Variants in RAI1 observed in about 807,000 individuals in gnomAD.
RAI1 encodes the protein retinoic acid induced 1.
Under a neutral mutation model 123.8 loss-of-function variants are expected in RAI1, and 9 were observed. The observed-to-expected ratio is 0.07, with a 90% CI of 0.04 to 0.13. The LOEUF is 0.13. Among genes scored for constraint, RAI1 ranks in the 10% least tolerant of loss-of-function variants. The probability of loss-of-function intolerance (pLI) is 1.00; values close to 1 mark genes in which losing one functional copy is unlikely to be tolerated. For synonymous variants in RAI1, 1,231 were observed against 1,127.3 expected (o/e 1.09, Z -1.84); for missense variants, 2,256 against 2,545.8 (o/e 0.89, Z 2.45).
intron 2 of RAI1, among the ~76,000 whole-genome samples, chr17:17,774,564 G>A (rs1174620573): frequency 6.6e-6 from 1 of 152,256 alleles, no homozygotes; most frequent in Non-Finnish European, 1.5e-5. Flanking sequence ...AGGACAGCGT[G>A]TCCGCCCACC....
At chr17:17,777,057 A>G (rs1313426709) in intron 2 of RAI1, 2 of 152,132 alleles carry the variant, frequency 1.3e-5, no homozygotes, top group African/African-American at 4.8e-5. Flanking sequence ...GTACTCAGCC[A>G]ATAGAACCTC....
intron 2 of RAI1, among the ~76,000 whole-genome samples, chr17:17,786,120 T>TCC (rs35385655): frequency 4.6e-5 from 7 of 151,076 alleles, no homozygotes; most frequent in African/African-American, 1.7e-4. Flanking sequence ...CTGCTGCCCC[T>TCC]CCCCCCCCAC....
intron 2 of RAI1, chr17:17,779,315 C>T (rs561029482): frequency 3.1e-5 from 7 of 225,922 alleles, no homozygotes; most frequent in South Asian, 2.5e-4. Flanking sequence ...ACCCAGGGAG[C>T]GCTGGGGGCA....
Position 17,795,636 on chromosome 17 carries a change from A to T in RAI1, c.2688A>T (p.Pro896=). The stretch of plus-strand genomic sequence containing the variant: ...AGGACCCGCTGTCACCCAAGGCCCC[A>T]CTCATCTGCACCAAGGAGGAGGTGG... The part of the protein sequence containing the change: ...GMQDPLSPKA[P]LICTKEEVEE... The change falls in exon 3 of 6, where the codon CCA becomes CCT. Residue 896 remains proline (P), a synonymous_variant. Transcript: ENST00000353383. This position sits in a 1 kb window ranked among gnomAD's most constrained non-coding sequence, Gnocchi z 5.9. 1 of 1,613,190 alleles carries T rather than the reference A, an allele frequency of 6.2e-7. No individual in the cohort carries two copies. The highest frequency in any genetic ancestry group is 1.7e-4 in the Middle Eastern group (1 of 6,058).
At chr17:17,735,106 G>A (rs968939255) in intron 2 of RAI1, among the ~76,000 whole-genome samples, 7 of 151,840 alleles carry the variant, frequency 4.6e-5, no homozygotes, top group Non-Finnish European at 1.0e-4. Flanking sequence ...AAGCTGGAGT[G>A]CAATGGCATG....
chr17:17,745,025 AGACT>A (rs1407306867), intron 2 of RAI1, among the ~76,000 whole-genome samples: 1 of 151,990 alleles, frequency 6.6e-6, no homozygotes, highest in Admixed American at 6.6e-5. Flanking sequence ...CCTGGTGGGG[AGACT>A]GACCCCTAAG....
At chr17:17,737,475 G>T (rs1405843184) in intron 2 of RAI1, among the ~76,000 whole-genome samples, 1 of 152,292 alleles carries the variant, frequency 6.6e-6, no homozygotes, top group East Asian at 1.9e-4. Context: ...GGCCAGAGCT[G>T]CCCAGTCTTA....
intron 2 of RAI1, among the ~76,000 whole-genome samples, chr17:17,739,905 C>A (rs9303143): frequency 6.6e-6 from 1 of 152,162 alleles, no homozygotes; most frequent in East Asian, 1.9e-4. Context: ...TGGAGGGCAG[C>A]GGTGCTCGGC....
Position 17,794,083 on chromosome 17 carries a change from A to G in RAI1, c.1135A>G (p.Thr379Ala), listed in dbSNP as rs909211047. Reference protein sequence around the residue: ...NFPYSQQPLSTGAFPAGITDH... With the variant: ...NFPYSQQPLSAGAFPAGITDH... ...TCCCTACAGCCAGCAGCCGCTCAGC[A>G]CCGGGGCCTTCCCCGCAGGGATCAC... The change falls in exon 3 of 6, where the codon ACC becomes GCC. Residue 379 changes from threonine (T) to alanine (A), a missense_variant. Thr to Ala is a moderately conservative substitution (Grantham distance 58). Around this residue, in one of 7 missense-constraint regions of RAI1, gnomAD observed 357 missense variants for 480.2 expected, o/e 0.74. Transcript: ENST00000353383. The G allele has an allele frequency of 6.2e-7, 1 of 1,614,054 alleles. No homozygotes were observed. The highest frequency in any genetic ancestry group is 8.5e-7 in the Non-Finnish European group (1 of 1,180,024).
At chr17:17,764,035 T>G (rs2030816256) in intron 2 of RAI1, among the ~76,000 whole-genome samples, 1 of 152,230 alleles carries the variant, frequency 6.6e-6, no homozygotes, top group Non-Finnish European at 1.5e-5. Context: ...CACTGCAAAG[T>G]GGGCCACATG....
At chr17:17,771,490 C>T (rs2142995233) in intron 2 of RAI1, among the ~76,000 whole-genome samples, 1 of 152,294 alleles carries the variant, frequency 6.6e-6, no homozygotes, top group South Asian at 2.1e-4. Context: ...GCTCTAGAGG[C>T]TGTGGGGACA....
chr17:17,788,748 C>T (rs1037532660), intron 2 of RAI1, among the ~76,000 whole-genome samples: 1 of 152,150 alleles, frequency 6.6e-6, no homozygotes, highest in African/African-American at 2.4e-5. Context: ...CTCCCTGCCT[C>T]CCCTCAGCCT....
chr17:17,774,491 C>T (rs2031268983), intron 2 of RAI1, among the ~76,000 whole-genome samples: 1 of 152,252 alleles, frequency 6.6e-6, no homozygotes, highest in Non-Finnish European at 1.5e-5. Context: ...TCCCAACATG[C>T]CAGCCAGGGA....
intron 3 of RAI1, 81 bp downstream of exon 3, chr17:17,798,594 C>A: frequency 6.4e-7 from 1 of 1,568,388 alleles, no homozygotes; most frequent in Non-Finnish European, 8.6e-7. Flanking sequence ...CCCCTTGTTT[C>A]TAGTGCTACA....
rs1296777841 is a variant in RAI1, at chr17:17,810,178, C to A, written c.*197C>A. The A allele has an allele frequency of 1.3e-5, 10 of 771,718 alleles. No individual in the cohort carries two copies. The highest frequency in any genetic ancestry group is 1.8e-5 in the African/African-American group (1 of 54,590). The allele number at this position is 771,718 out of a possible 1,614,324, so 47.8% of individuals were successfully genotyped here. On this transcript the variant is annotated 3_prime_UTR_variant, in exon 6 of 6. Coordinates refer to ENST00000353383, the MANE Select transcript of RAI1 (RefSeq NM_030665.4). This position sits in a 1 kb window ranked among gnomAD's most constrained non-coding sequence, Gnocchi z 4.6. ...TTGCGGCCCCGGGTTGGGAGGAAAA[C>A]CCGTTCCGGAGCCGCCTGCTCCCGG...
rs527251796 is a variant in RAI1 at position 17,768,708 on chromosome 17, C to T, written c.-16-24225C>T. On this transcript the variant is annotated intron_variant, in intron 2 of 5. Transcript: ENST00000353383. ...TGCAGCCAGACACACTGGGGAGACA[C>T]AAGACGACTCAGGTTGGAATCGATT... Among the ~76,000 whole-genome samples, 62 of 152,368 alleles carry T rather than the reference C, an allele frequency of 4.1e-4. 2 individuals are homozygous for T. Among genetic ancestry groups the T allele is most frequent in the Middle Eastern group, 6.8e-3 (2 of 294 alleles).
intron 2 of RAI1, among the ~76,000 whole-genome samples, chr17:17,767,411 A>G (rs1206228164): frequency 1.4e-5 from 2 of 144,702 alleles, no homozygotes; most frequent in South Asian, 2.2e-4. Context: ...AAACTCGCTG[A>G]AAAAAAAAAA....
At chr17:17,708,614 TG>T (rs772237447) in intron 1 of RAI1, among the ~76,000 whole-genome samples, 1 of 152,132 alleles carries the variant, frequency 6.6e-6, no homozygotes, top group South Asian at 2.1e-4. Flanking sequence ...AGGGGTCCCC[TG>T]GGTTGCATCT....
chr17:17,734,072 A>G (rs1916349550), intron 2 of RAI1, among the ~76,000 whole-genome samples: 1 of 152,162 alleles, frequency 6.6e-6, no homozygotes, highest in East Asian at 1.9e-4. Flanking sequence ...GAAAATGAGC[A>G]TCCAGGACAG....
Sources: allele counts gnomAD v4.1 joint callset (sites outside exome capture counted in the v4.1 genomes callset), GRCh38; gene constraint gnomAD v4.1.1; regional missense constraint gnomAD v4.1.1; non-coding constraint Gnocchi (gnomAD v3.1); transcripts MANE v1.5; gene names NCBI Gene and HGNC (gene_info 2026-07-23, HGNC 2026-07-21).